Variants in KCNU1 observed in about 807,000 individuals in gnomAD.
KCNU1 encodes the protein potassium channel subfamily U member 1.
KCNU1 carries 93 observed loss-of-function variants against 126.8 expected under a neutral mutation model. The ratio of observed to expected loss-of-function variants is 0.73; its 90% CI spans 0.62 to 0.87. The LOEUF (loss-of-function observed/expected upper bound fraction) is 0.87, where lower values mean the gene tolerates loss of function less well. KCNU1 is among the 40% of genes least tolerant of loss of function. The pLI is 0.00. For synonymous variants in KCNU1, 523 were observed against 494.2 expected (o/e 1.06, Z -0.77); for missense variants, 1,330 against 1,367.1 (o/e 0.97, Z 0.43).
intron 22 of KCNU1, among the ~76,000 whole-genome samples, chr8:36,914,136 C>A (rs1380026304): frequency 2.0e-5 from 3 of 152,158 alleles, no homozygotes; most frequent in African/African-American, 7.2e-5. Context: ...ATACACACCC[C>A]CAAGAACTGA....
rs1808848557 is a variant in KCNU1, at chr8:36,936,044, C to T, written c.*124C>T. On this transcript the variant is annotated 3_prime_UTR_variant, in exon 27 of 27. Coordinates refer to ENST00000399881, the MANE Select transcript of KCNU1 (RefSeq NM_001031836.3). ...TTTTTCTGCCCATTGCTTAGTGGTT[C>T]ATGAAGGCCACACTGTTTTGGGTGA... 1.3e-6 allele frequency: 1 copy of T among 797,068 alleles called. No individual in the cohort carries two copies. The highest frequency in any genetic ancestry group is 1.7e-5 in the African/African-American group (1 of 57,982). The allele number at this position is 797,068 out of a possible 1,614,324, so 49.4% of individuals were successfully genotyped here.
chr8:36,853,078 G>C (rs565701915), intron 18 of KCNU1, among the ~76,000 whole-genome samples: 1 of 152,170 alleles, frequency 6.6e-6, no homozygotes, highest in African/African-American at 2.4e-5. Context: ...TGCCAGGTGC[G>C]GTGGCTCACA....
At chr8:36,842,130 GC>G (rs1420111094) in intron 16 of KCNU1, among the ~76,000 whole-genome samples, 3 of 152,308 alleles carry the variant, frequency 2.0e-5, no homozygotes, top group Admixed American at 6.5e-5. Context: ...TGGCCCTGTG[GC>G]CGTGGATAAG....
At position 36,817,652 on chromosome 8, in the gene KCNU1, T is replaced by G. The variant is rs1399105072; in HGVS notation, c.998T>G (p.Phe333Cys). Residue 333 changes from phenylalanine to cysteine, a missense_variant and splice_region_variant, in exon 10 of 27, where the codon TTT becomes TGT. By Grantham distance (205) the Phe-to-Cys change is radical. Transcript: ENST00000399881. ...SSYEALKGKKFIVVCGNITVD... is the reference protein window; with the variant it reads ...SSYEALKGKKCIVVCGNITVD... ...CCTCACCTGTTTTTGCTGCCTAGGT[T>G]TATTGTGGTCTGTGGAAACATCACT... 6.3e-7 allele frequency: 1 copy of G among 1,593,448 alleles called. No individual in the cohort carries two copies. The highest frequency in any genetic ancestry group is 8.6e-7 in the Non-Finnish European group (1 of 1,161,522).
At chr8:36,912,953 CAAAAAAAAAAAAAA>C (rs71547665) in intron 22 of KCNU1, among the ~76,000 whole-genome samples, 1 of 37,364 alleles carries the variant, frequency 2.7e-5, no homozygotes, top group Non-Finnish European at 4.4e-5. Flanking sequence ...GGTGACAGAG[CAAAAAAAAAAAAAA>C]AAAAAAAAAA....
chr8:36,891,135 T>C (rs932679666), intron 19 of KCNU1, among the ~76,000 whole-genome samples: 1 of 150,726 alleles, frequency 6.6e-6, no homozygotes, highest in Non-Finnish European at 1.5e-5. Context: ...TACTGCCTTA[T>C]TTTATTGTTA....
chr8:36,885,370 C>G (rs934039918), intron 19 of KCNU1, among the ~76,000 whole-genome samples: 2 of 151,922 alleles, frequency 1.3e-5, no homozygotes, highest in Non-Finnish European at 2.9e-5. Context: ...GCCCGACCAA[C>G]ATGATGAAAC....
chr8:36,889,096 C>A, intron 19 of KCNU1: 1 of 530,174 alleles, frequency 1.9e-6, no homozygotes, highest in South Asian at 1.4e-5. Context: ...CCAGGCTGAT[C>A]TCGAACTCCT....
intron 10 of KCNU1, among the ~76,000 whole-genome samples, chr8:36,828,213 A>G (rs1804396957): frequency 6.6e-6 from 1 of 152,072 alleles, no homozygotes; most frequent in Admixed American, 6.6e-5. Flanking sequence ...TCAGGATGAG[A>G]TTTATTTTAA....
intron 18 of KCNU1, among the ~76,000 whole-genome samples, 174 bp from the exon 19 acceptor site, chr8:36,864,230 G>A (rs956223439): frequency 1.3e-5 from 2 of 152,106 alleles, no homozygotes; most frequent in Non-Finnish European, 2.9e-5. Context: ...CCCTAATTCT[G>A]TAGAAGGAAA....
chr8:36,904,392 C>A (rs1313978743), intron 19 of KCNU1, among the ~76,000 whole-genome samples: 1 of 152,056 alleles, frequency 6.6e-6, no homozygotes, highest in African/African-American at 2.4e-5. Context: ...AGTCACATGG[C>A]CCCACCTACC....
intron 21 of KCNU1, among the ~76,000 whole-genome samples, chr8:36,910,007 G>A (rs1807803689): frequency 6.6e-6 from 1 of 152,110 alleles, no homozygotes; most frequent in Admixed American, 6.5e-5. Flanking sequence ...CCTGATAGCT[G>A]TATGGAGAGG....
At chr8:36,844,891 A>G (rs1805087327) in intron 16 of KCNU1, among the ~76,000 whole-genome samples, 1 of 152,214 alleles carries the variant, frequency 6.6e-6, no homozygotes, top group Non-Finnish European at 1.5e-5. Context: ...AACAGGGAGA[A>G]ATGTGGGTAA....
At chr8:36,868,014 A>G (rs1805972363) in intron 19 of KCNU1, among the ~76,000 whole-genome samples, 1 of 152,176 alleles carries the variant, frequency 6.6e-6, no homozygotes, top group African/African-American at 2.4e-5. Flanking sequence ...TTCAAAATCA[A>G]GGTAGGTTTG....
Position 36,839,633 on chromosome 8 carries a change from T to A in KCNU1, c.1519-830T>A, listed in dbSNP as rs554293114. On this transcript the variant is annotated intron_variant, in intron 14 of 26. Transcript: ENST00000399881. ...TGTTTTGCTTTTTTTCCAAACTGCA[T>A]CACGACCATCTGAAGATAATTTCTG... Among the ~76,000 whole-genome samples the A allele has an allele frequency of 4.0e-4, 61 of 152,294 alleles. 1 individual carries two copies. Among genetic ancestry groups the A allele is most frequent in the African/African-American group, 1.5e-3 (61 of 41,552 alleles).
intron 2 of KCNU1, among the ~76,000 whole-genome samples, chr8:36,794,960 A>C (rs1803039923): frequency 6.6e-6 from 1 of 151,970 alleles, no homozygotes; most frequent in African/African-American, 2.4e-5. Context: ...CAAAACAAAA[A>C]CATAAGAAAT....
rs751654952 is a variant in KCNU1 at position 36,845,653 on chromosome 8, C to T, written c.1777C>T (p.Pro593Ser). 5 of 1,606,066 alleles carry T rather than the reference C, an allele frequency of 3.1e-6. No individual in the cohort carries two copies. Among genetic ancestry groups the T allele is most frequent in the Non-Finnish European group, 4.3e-6 (5 of 1,172,808 alleles). The change falls in exon 17 of 27, where the codon CCA becomes TCA. Residue 593 changes from proline (P) to serine (S), a missense_variant. Coordinates refer to ENST00000399881, the MANE Select transcript of KCNU1 (RefSeq NM_001031836.3). Reference protein sequence around the residue: ...NTLGFFIAETPKDVRRALFYC... With the variant: ...NTLGFFIAETSKDVRRALFYC... ...ATTAGGGTTCTTTATTGCTGAAACTCCAAAGGACGTCAGAAGGTAATTTTA... is the reference window on the plus strand; with the variant it reads ...ATTAGGGTTCTTTATTGCTGAAACTTCAAAGGACGTCAGAAGGTAATTTTA...
At chr8:36,910,901 G>T in intron 21 of KCNU1, 29 bp from the exon 22 acceptor site, 2 of 1,503,900 alleles carry the variant, frequency 1.3e-6, no homozygotes, top group East Asian at 2.3e-5. Context: ...CATCCGACCA[G>T]TGCCTCCTCT....
chr8:36,923,545 T>C (rs746053800), intron 24 of KCNU1, among the ~76,000 whole-genome samples: 1 of 151,972 alleles, frequency 6.6e-6, no homozygotes, highest in Non-Finnish European at 1.5e-5. Context: ...AAATAGATAA[T>C]TGGTGCTGCG....
Sources: allele counts gnomAD v4.1 joint callset (sites outside exome capture counted in the v4.1 genomes callset), GRCh38; gene constraint gnomAD v4.1.1; transcripts MANE v1.5; gene names NCBI Gene and HGNC (gene_info 2026-07-23, HGNC 2026-07-21).